Variants in MSI2 observed in about 807,000 individuals in gnomAD.
The protein encoded by MSI2 is musashi RNA binding protein 2.
In MSI2, 17 loss-of-function variants were observed where a neutral mutation model predicts 45.6. The ratio of observed to expected loss-of-function variants is 0.37; its 90% CI spans 0.26 to 0.56. The LOEUF is 0.56. Among genes scored for constraint, MSI2 ranks in the 20% least tolerant of loss-of-function variants. The probability of loss-of-function intolerance (pLI) is 0.77; values close to 1 mark genes in which losing one functional copy is unlikely to be tolerated. For missense variants in MSI2, 293 were observed against 444.2 expected (o/e 0.66, Z 3.06); for synonymous variants, 156 against 158.2 (o/e 0.99, Z 0.11).
chr17:57,621,557 G>A (rs1423333006), intron 9 of MSI2, among the ~76,000 whole-genome samples: 1 of 152,228 alleles, frequency 6.6e-6, no homozygotes, highest in African/African-American at 2.4e-5. Flanking sequence ...CTAGTGAGGA[G>A]TCTGAGACAA....
At chr17:57,442,525 CAGTT>C (rs1442296122) in intron 6 of MSI2, among the ~76,000 whole-genome samples, 1 of 152,162 alleles carries the variant, frequency 6.6e-6, no homozygotes, top group Non-Finnish European at 1.5e-5. Context: ...GCCTGACCAG[CAGTT>C]AGCCATCTCC....
chr17:57,383,212 A>T (rs933117745), intron 5 of MSI2, among the ~76,000 whole-genome samples: 3 of 152,236 alleles, frequency 2.0e-5, no homozygotes, highest in Non-Finnish European at 4.4e-5. Flanking sequence ...TTTTAGATGT[A>T]CCCTGAGTTT....
At chr17:57,450,006 C>G (rs2084967880) in intron 6 of MSI2, 1 of 152,186 alleles carries the variant, frequency 6.6e-6, no homozygotes, top group East Asian at 1.9e-4. Flanking sequence ...AGCCTGGCAA[C>G]AGAGTGAGAC....
At chr17:57,304,457 C>G (rs1003673499) in intron 5 of MSI2, among the ~76,000 whole-genome samples, 1 of 146,008 alleles carries the variant, frequency 6.8e-6, no homozygotes, top group African/African-American at 2.5e-5. Flanking sequence ...GAGTCTCACT[C>G]TATCTCCCAG....
At chr17:57,465,339 A>G (rs2085310191) in intron 6 of MSI2, among the ~76,000 whole-genome samples, 1 of 151,938 alleles carries the variant, frequency 6.6e-6, no homozygotes, top group South Asian at 2.1e-4. Flanking sequence ...TTTTGTTGAG[A>G]TGAGAGTCAG....
intron 6 of MSI2, among the ~76,000 whole-genome samples, chr17:57,513,697 C>T (rs969072001): frequency 6.6e-6 from 1 of 152,184 alleles, no homozygotes; most frequent in Non-Finnish European, 1.5e-5. Flanking sequence ...GGGAGCCTCA[C>T]CCCCCTCCCG....
intron 6 of MSI2, among the ~76,000 whole-genome samples, chr17:57,421,685 A>G (rs2084399571): frequency 6.6e-6 from 1 of 152,076 alleles, no homozygotes; most frequent in Non-Finnish European, 1.5e-5. Context: ...GAAGTTTGAG[A>G]CCAGTGTGGG....
intron 5 of MSI2, among the ~76,000 whole-genome samples, chr17:57,336,816 C>T (rs1914726328): frequency 6.6e-6 from 1 of 152,128 alleles, no homozygotes; most frequent in Admixed American, 6.5e-5. Flanking sequence ...CAGAATTTAG[C>T]AACTTAAAAT....
chr17:57,258,429 A>G, intron 4 of MSI2, 75 bp downstream of exon 4: 2 of 1,203,012 alleles, frequency 1.7e-6, no homozygotes, highest in South Asian at 2.4e-5. Flanking sequence ...ATTTAAAGGG[A>G]CAGTGCCTTC....
intron 8 of MSI2, among the ~76,000 whole-genome samples, chr17:57,597,474 A>AAAAAAAAAAAG (rs1905365638): frequency 6.7e-6 from 1 of 149,154 alleles, no homozygotes; most frequent in Non-Finnish European, 1.5e-5. Context: ...CTTAAAAAAA[A>AAAAAAAAAAAG]AAAAAAAAAA....
chr17:57,629,452 G>C (rs1421738409), intron 10 of MSI2: 4 of 152,172 alleles, frequency 2.6e-5, no homozygotes, highest in Non-Finnish European at 5.9e-5. Flanking sequence ...AGAATAAGAA[G>C]AAGTAAAAAG....
Position 57,502,602 on chromosome 17 carries a change from G to GATAGATATAT in MSI2, c.406-27071_406-27070insGATATATATA, listed in dbSNP as rs1190802566. 8.6e-4 allele frequency among the ~76,000 whole-genome samples: 47 copies of GATAGATATAT among 54,398 alleles called. 1 individual carries two copies. The South Asian group carries it at 0.016, about 19-fold the overall frequency. 35.7% of individuals were successfully genotyped at this position (54,398 alleles called of 152,430 possible). ...CAGGGAATGGAGAAGATGACTCTGA[G>GATAGATATAT]ATATATATATATATATATATATATA... On this transcript the variant is annotated intron_variant, in intron 6 of 13. Transcript: ENST00000284073.
intron 5 of MSI2, among the ~76,000 whole-genome samples, chr17:57,391,201 G>A (rs1032885955): frequency 3.3e-5 from 5 of 152,196 alleles, no homozygotes; most frequent in Non-Finnish European, 7.3e-5. Context: ...TTCTCAGCGT[G>A]GGAATAGGCA....
At chr17:57,433,443 G>A (rs1470417108) in intron 6 of MSI2, among the ~76,000 whole-genome samples, 1 of 152,164 alleles carries the variant, frequency 6.6e-6, no homozygotes, top group South Asian at 2.1e-4. Flanking sequence ...CAAGCCATGG[G>A]ACACCAAGGA....
At chr17:57,363,231 C>T (rs540439669) in intron 5 of MSI2, among the ~76,000 whole-genome samples, 18 of 152,336 alleles carry the variant, frequency 1.2e-4, no homozygotes, top group South Asian at 2.1e-4. Flanking sequence ...ACCTTGAAGA[C>T]GTGCTAAGTG....
intron 6 of MSI2, among the ~76,000 whole-genome samples, chr17:57,450,665 C>A (rs940334860): frequency 2.5e-5 from 2 of 81,352 alleles, no homozygotes; most frequent in Admixed American, 2.0e-4. Context: ...AGCAAGACTG[C>A]ATCTCAAAAA....
chr17:57,308,651 C>A (rs1912118573), intron 5 of MSI2, among the ~76,000 whole-genome samples: 2 of 152,104 alleles, frequency 1.3e-5, no homozygotes, highest in Admixed American at 1.3e-4. Context: ...ACAGGTGAGC[C>A]CTTGGTTCCT....
chr17:57,411,444 T>C (rs57745265), intron 6 of MSI2, among the ~76,000 whole-genome samples: 56,215 of 152,190 alleles, frequency 0.37, 12,546 homozygotes, highest in East Asian at 0.56. Context: ...GGGATTCCTG[T>C]TTGCCCGAAC....
intron 5 of MSI2, among the ~76,000 whole-genome samples, chr17:57,349,639 A>T (rs913883873): frequency 6.6e-6 from 1 of 152,258 alleles, no homozygotes; most frequent in Admixed American, 6.5e-5. Context: ...CATGAATAAT[A>T]GTGCTAAGAG....
Sources: allele counts gnomAD v4.1 joint callset (sites outside exome capture counted in the v4.1 genomes callset), GRCh38; gene constraint gnomAD v4.1.1; transcripts MANE v1.5; gene names NCBI Gene and HGNC (gene_info 2026-07-23, HGNC 2026-07-21).